SIPA1L2: variants seen among roughly 807,000 people sequenced by gnomAD.
SIPA1L2 encodes the protein signal-induced proliferation-associated 1-like protein 2.
SIPA1L2 carries 56 observed loss-of-function variants against 163.9 expected under a neutral mutation model. The ratio of observed to expected loss-of-function variants is 0.34; its 90% CI spans 0.28 to 0.43. The LOEUF is 0.43. Ranked by LOEUF, SIPA1L2 falls within the 20% of genes least tolerant of loss-of-function variation. SIPA1L2 has a pLI of 1.00. For missense variants in SIPA1L2, 1,974 were observed against 2,193.5 expected, an observed-to-expected ratio of 0.90 and a Z score of 2.00; for synonymous variants, 877 against 865.7, an observed-to-expected ratio of 1.01 and a Z score of -0.23.
rs1663171465 is a variant in SIPA1L2, at chr1:232,445,650, A to C, written c.3232T>G (p.Ser1078Ala). The change falls in exon 11 of 23, where the codon TCT (serine) becomes GCT (alanine). Residue 1078 changes from serine (S) to alanine (A), a missense_variant. Ser to Ala is a moderately conservative substitution (Grantham distance 99). Transcript: ENST00000674635. ...GTGCCGGGGATGGGGGAAGCTCTAG[A>C]GAGGGGCTGCAGGGCAGGAGTGGGC... ...RVPTPALQPL[S>A]RASPIPGTPD... 1.9e-6 allele frequency: 3 copies of C among 1,613,746 alleles called. No individual in the cohort carries two copies. Among genetic ancestry groups the C allele is most frequent in the Non-Finnish European group, 2.5e-6 (3 of 1,179,904 alleles).
chr1:232,414,337 G>A (rs1200383827), intron 19 of SIPA1L2, among the ~76,000 whole-genome samples: 2 of 152,138 alleles, frequency 1.3e-5, no homozygotes, highest in Non-Finnish European at 2.9e-5. Context: ...TGGGTAGAGC[G>A]AAGCCACCAT....
chr1:232,434,543 C>CA (rs1662438987), intron 15 of SIPA1L2, among the ~76,000 whole-genome samples: 1 of 151,986 alleles, frequency 6.6e-6, no homozygotes, highest in South Asian at 2.1e-4. Context: ...GTCGGGAGAA[C>CA]AGTAAAGCAA....
At position 232,479,720 on chromosome 1, in the gene SIPA1L2, C is replaced by T. The variant is rs779196999; in HGVS notation, c.1992G>A (p.Thr664=). ...ATGTGGTATAGAGAGAGTGCGTGCC[C>T]GTGGAATCAGCTGAAAACAAAGATG... is the stretch of plus-strand genomic sequence containing the variant. ...RAQLDNKTDS[T]GTHSLYTTYK... Residue 664 remains threonine (T), a synonymous_variant, in exon 7 of 23, where the codon ACG becomes ACA. Coordinates refer to ENST00000674635, the MANE Select transcript of SIPA1L2 (RefSeq NM_020808.5). 17 of 1,612,960 alleles carry T rather than the reference C, an allele frequency of 1.1e-5. No homozygotes were observed. The highest frequency in any genetic ancestry group is 1.7e-4 in the Middle Eastern group (1 of 6,056).
intron 5 of SIPA1L2, among the ~76,000 whole-genome samples, chr1:232,484,168 G>C (rs1026504891): frequency 6.6e-6 from 1 of 152,150 alleles, no homozygotes; most frequent in Non-Finnish European, 1.5e-5. Context: ...AATACAGCTG[G>C]AGACATGTCA....
intron 1 of SIPA1L2, among the ~76,000 whole-genome samples, chr1:232,580,073 GT>G (rs1318689389): frequency 6.6e-6 from 1 of 152,206 alleles, no homozygotes; most frequent in Non-Finnish European, 1.5e-5. Context: ...TATACTTATA[GT>G]TATTTCTTGA....
intron 8 of SIPA1L2, among the ~76,000 whole-genome samples, chr1:232,467,893 T>C (rs1664605344): frequency 6.6e-6 from 1 of 152,214 alleles, no homozygotes; most frequent in Non-Finnish European, 1.5e-5. Flanking sequence ...AAGAGAGACA[T>C]GGTGACTCCA....
At chr1:232,413,591 G>A (rs1024964036) in intron 19 of SIPA1L2, among the ~76,000 whole-genome samples, 46 of 152,156 alleles carry the variant, frequency 3.0e-4, no homozygotes, top group Non-Finnish European at 4.4e-5. Context: ...CTATGAGCTG[G>A]GATAGTTCTG....
intron 1 of SIPA1L2, among the ~76,000 whole-genome samples, chr1:232,627,027 T>C (rs1663113301): frequency 6.6e-6 from 1 of 152,102 alleles, no homozygotes; most frequent in Non-Finnish European, 1.5e-5. Context: ...GTACTTTGTA[T>C]TTCATTGAAG....
At chr1:232,433,623 C>T (rs1302173868) in intron 15 of SIPA1L2, among the ~76,000 whole-genome samples, 1 of 152,112 alleles carries the variant, frequency 6.6e-6, no homozygotes, top group Non-Finnish European at 1.5e-5. Context: ...GAAGGACTAC[C>T]CACCCCCGGC....
chr1:232,567,257 A>G (rs914155508), intron 2 of SIPA1L2, among the ~76,000 whole-genome samples: 2 of 152,236 alleles, frequency 1.3e-5, no homozygotes, highest in Admixed American at 6.5e-5. Context: ...TCTGCCACAT[A>G]GTGAACAGTA....
chr1:232,399,162 C>G lies in SIPA1L2; in HGVS notation c.5134G>C (p.Glu1712Gln), dbSNP rs1236700979. The change falls in exon 23 of 23, where the codon GAA becomes CAA. Residue 1712 changes from glutamate to glutamine, a missense_variant. Glu to Gln is a conservative substitution (Grantham distance 29). Around this residue, in one of 3 missense-constraint regions of SIPA1L2, gnomAD observed 1,079 missense variants for 1,150.7 expected, o/e 0.94. Transcript: ENST00000674635. ...TTGTCGATGGTGGTGAAAAACCATT[C>G]TGTGAATTTCCGCAGCTGAGCTGTC... ...TATAQLRKFT[E>Q]WFFTTIDKKS 2 of 1,614,048 alleles carry G rather than the reference C, an allele frequency of 1.2e-6. No individual in the cohort carries two copies. The highest frequency in any genetic ancestry group is 1.7e-6 in the Non-Finnish European group (2 of 1,180,026).
In SIPA1L2 at chr1:232,471,441, G is replaced by A. The variant is rs755051091; in HGVS notation, c.2173C>T (p.Arg725Trp). The change falls in exon 8 of 23, where the codon CGG becomes TGG. Residue 725 changes from arginine (R) to tryptophan (W), a missense_variant. This residue lies in a region of SIPA1L2 where 288 missense variants were observed against 418.9 expected (regional missense o/e 0.69). Transcript: ENST00000674635. ...GALPFTPKSIRSHFQHVFVIV... is the reference protein window; with the variant it reads ...GALPFTPKSIWSHFQHVFVIV... ...ACAAAGACATGCTGAAAGTGAGACCGGATGCTTTTTGGAGTAAAAGGAAGT... is the reference window on the plus strand; with the variant it reads ...ACAAAGACATGCTGAAAGTGAGACCAGATGCTTTTTGGAGTAAAAGGAAGT... 2.4e-5 allele frequency: 39 copies of A among 1,613,936 alleles called. No homozygotes were observed. The highest frequency in any genetic ancestry group is 6.7e-5 in the Admixed American group (4 of 59,992).
chr1:232,519,523 C>A (rs1667367737), intron 2 of SIPA1L2, among the ~76,000 whole-genome samples: 1 of 152,170 alleles, frequency 6.6e-6, no homozygotes, highest in Admixed American at 6.5e-5. Context: ...AGAGAAGAAG[C>A]CATATGAAGC....
chr1:232,445,834 T>C lies in SIPA1L2; in HGVS notation c.3096-48A>G, dbSNP rs935625357. 1.9e-6 allele frequency: 3 copies of C among 1,584,028 alleles called. No individual in the cohort carries two copies. The African/African-American group carries it at 4.0e-5, about 21-fold the overall frequency. ...TGAGAAGGGAAGCTCTCAGCTGAGC[T>C]GTCAGCATGGCTTACTCACAGCTGG... is the stretch of plus-strand genomic sequence containing the variant. On this transcript the variant is annotated intron_variant, in intron 10 of 22. Coordinates refer to ENST00000674635, the MANE Select transcript of SIPA1L2 (RefSeq NM_020808.5).
At chr1:232,437,229 C>T (rs1055966572) in intron 15 of SIPA1L2, among the ~76,000 whole-genome samples, 8 of 152,126 alleles carry the variant, frequency 5.3e-5, no homozygotes, top group Non-Finnish European at 1.2e-4. Context: ...CCAATGACAT[C>T]TGTCCAAAAA....
chr1:232,519,148 C>T (rs1328297346), intron 2 of SIPA1L2, among the ~76,000 whole-genome samples: 2 of 152,154 alleles, frequency 1.3e-5, no homozygotes, highest in Non-Finnish European at 2.9e-5. Flanking sequence ...AAGACAGCTT[C>T]CCACCCCCAC....
chr1:232,444,023 A>G (rs1374030730), intron 11 of SIPA1L2, among the ~76,000 whole-genome samples: 1 of 152,228 alleles, frequency 6.6e-6, no homozygotes, highest in Admixed American at 6.5e-5. Context: ...AATTATGAAA[A>G]CATTACTAAT....
intron 2 of SIPA1L2, among the ~76,000 whole-genome samples, chr1:232,558,833 C>T (rs1329787959): frequency 1.3e-5 from 2 of 152,168 alleles, no homozygotes; most frequent in Admixed American, 6.5e-5. Flanking sequence ...TTTTACCAAA[C>T]AGATAACAAT....
chr1:232,527,722 C>CTTT (rs1452568441), intron 2 of SIPA1L2, among the ~76,000 whole-genome samples: 4 of 86,272 alleles, frequency 4.6e-5, no homozygotes, highest in Admixed American at 1.4e-4. Context: ...TCTTCTTCTT[C>CTTT]TTCTTTTTTT....
Sources: gnomAD v4.1 joint callset for allele counts (sites outside exome capture counted in the v4.1 genomes callset) on GRCh38, gnomAD v4.1.1 for gene constraint, gnomAD v4.1.1 regional missense constraint, MANE v1.5 for transcripts, NCBI Gene and HGNC (gene_info 2026-07-23, HGNC 2026-07-21) for gene names.